TANGO6: variants seen among roughly 807,000 people sequenced by gnomAD.
TANGO6 encodes transport and Golgi organization protein 6 homolog.
A neutral mutation model predicts 114.2 loss-of-function variants in TANGO6; 90 were observed. That is an observed-to-expected ratio of 0.79 (90% CI 0.66 to 0.94). TANGO6 has a LOEUF of 0.94. TANGO6 is among the 40% of genes least tolerant of loss of function. The probability of loss-of-function intolerance (pLI) is 0.00; values close to 1 mark genes in which losing one functional copy is unlikely to be tolerated. For missense variants in TANGO6, 1,274 were observed against 1,315.3 expected (o/e 0.97, Z 0.49); for synonymous variants, 477 against 509.8 (o/e 0.94, Z 0.87).
chr16:69,017,367 A>AAT (rs553994107), intron 15 of TANGO6, among the ~76,000 whole-genome samples: 175 of 152,324 alleles, frequency 1.1e-3, no homozygotes, highest in African/African-American at 3.6e-3. Context: ...TTGATAAGTT[A>AAT]ATATGCCTTT....
At chr16:68,968,960 G>A (rs1369523520) in intron 14 of TANGO6, among the ~76,000 whole-genome samples, 4 of 152,120 alleles carry the variant, frequency 2.6e-5, no homozygotes, top group African/African-American at 7.2e-5. Flanking sequence ...ATGAGCCACC[G>A]CGCCTGGCCA....
intron 15 of TANGO6, among the ~76,000 whole-genome samples, chr16:69,021,136 T>C (rs1460056514): frequency 2.0e-5 from 3 of 152,118 alleles, no homozygotes; most frequent in African/African-American, 4.8e-5. Context: ...AGGCCTCTCA[T>C]TGTACTCTGA....
At chr16:68,986,120 G>A (rs1333022686) in intron 15 of TANGO6, among the ~76,000 whole-genome samples, 1 of 152,178 alleles carries the variant, frequency 6.6e-6, no homozygotes, top group Admixed American at 6.5e-5. Flanking sequence ...ATTATTTTTA[G>A]AGGCAGAATG....
chr16:68,968,616 C>T lies in TANGO6; in HGVS notation c.2702-5412C>T, dbSNP rs181377960. ...CTGACCTCAGGTGGTCCACCCGCCT[C>T]GGCCTCTCAAAGTGCTGGGATTACA... On this transcript the variant is annotated intron_variant, in intron 14 of 17. Coordinates refer to ENST00000261778, the MANE Select transcript of TANGO6 (RefSeq NM_024562.2). 4.6e-5 allele frequency among the ~76,000 whole-genome samples: 7 copies of T among 151,552 alleles called. No homozygotes were observed. In the East Asian group the frequency reaches 7.8e-4, roughly 17 times the overall value.
intron 14 of TANGO6, among the ~76,000 whole-genome samples, chr16:68,953,050 T>TTTTTTTATTATTA (rs1555525236): frequency 3.6e-5 from 5 of 139,214 alleles, no homozygotes; most frequent in Admixed American, 7.3e-5. Context: ...ACAGGTATTT[T>TTTTTTTATTATTA]TTATTATTAT....
intron 14 of TANGO6, among the ~76,000 whole-genome samples, chr16:68,934,547 C>T (rs1226072783): frequency 1.3e-5 from 2 of 152,114 alleles, no homozygotes. Context: ...TAATTACCTG[C>T]AGCTGAGAGG....
At position 68,974,188 on chromosome 16, in the gene TANGO6, C is replaced by G; in HGVS notation, c.2842+20C>G. 6.2e-7 allele frequency: 1 copy of G among 1,613,712 alleles called. No homozygotes were observed. The highest frequency in any genetic ancestry group is 1.1e-5 in the South Asian group (1 of 91,050). ...CATTAGGTGAGTTTTCTTGTTCCAT[C>G]CACCTGGAAAAGGGTGGAGGATCAG... On this transcript the variant is annotated intron_variant, in intron 15 of 17. Transcript: ENST00000261778.
intron 15 of TANGO6, among the ~76,000 whole-genome samples, chr16:69,018,007 A>C (rs1959331517): frequency 6.7e-6 from 1 of 148,788 alleles, no homozygotes; most frequent in South Asian, 2.1e-4. Context: ...AGGTTCAAGC[A>C]ATTCTCCTAC....
intron 9 of TANGO6, among the ~76,000 whole-genome samples, chr16:68,903,768 A>C (rs1156636608): frequency 1.3e-5 from 2 of 151,912 alleles, no homozygotes; most frequent in Non-Finnish European, 2.9e-5. Flanking sequence ...CTAAAAATAT[A>C]AAAATTAGCC....
At chr16:68,927,269 C>T (rs561343375) in intron 12 of TANGO6, among the ~76,000 whole-genome samples, 4 of 152,068 alleles carry the variant, frequency 2.6e-5, no homozygotes, top group Admixed American at 6.6e-5. Context: ...GTTACTTAAC[C>T]GTTCTGTTTC....
chr16:68,933,566 G>C (rs542763576), intron 14 of TANGO6, among the ~76,000 whole-genome samples: 1 of 152,238 alleles, frequency 6.6e-6, no homozygotes, highest in South Asian at 2.1e-4. Flanking sequence ...GCCAGCTGTG[G>C]TAGCTGTGCT....
intron 15 of TANGO6, among the ~76,000 whole-genome samples, chr16:69,000,193 A>G (rs553160127): frequency 6.6e-6 from 1 of 152,382 alleles, no homozygotes; most frequent in Admixed American, 6.5e-5. Context: ...TAACACATTT[A>G]TACAAATACA....
In TANGO6 at chr16:68,909,302, C is replaced by T. The variant is rs766654399; in HGVS notation, c.1892C>T (p.Thr631Ile). 1 of 1,611,414 alleles carries T rather than the reference C, an allele frequency of 6.2e-7. No homozygotes were observed. The highest frequency in any genetic ancestry group is 1.1e-5 in the South Asian group (1 of 90,446). ...KSLLELEQHQ[T>I]LLVEGQERKL... is the part of the protein sequence containing the mutation. ...CTCTTGGAATTAGAGCAACATCAGA[C>T]TCTTCTTGTGGAAGGCCAAGAGCGG... Residue 631 changes from threonine to isoleucine, a missense_variant, in exon 11 of 18, where the codon ACT (threonine) becomes ATT (isoleucine). Thr to Ile is a moderately conservative substitution (Grantham distance 89). This residue lies in a region of TANGO6 where 908 missense variants were observed against 910.2 expected (regional missense o/e 1.00). Transcript: ENST00000261778.
chr16:69,002,448 A>G (rs1486722996), intron 15 of TANGO6, among the ~76,000 whole-genome samples: 2 of 152,102 alleles, frequency 1.3e-5, no homozygotes, highest in African/African-American at 2.4e-5. Flanking sequence ...GTTTTCCCCC[A>G]TGCTGTTGTT....
At chr16:68,881,396 C>T (rs73562640) in intron 7 of TANGO6, among the ~76,000 whole-genome samples, 11,298 of 152,156 alleles carry the variant, frequency 0.074, 876 homozygotes, top group African/African-American at 0.2. Flanking sequence ...CACCTGTAAT[C>T]CCAGCTACTT....
intron 14 of TANGO6, among the ~76,000 whole-genome samples, chr16:68,964,430 A>C (rs1963624187): frequency 6.6e-6 from 1 of 152,100 alleles, no homozygotes; most frequent in African/African-American, 2.4e-5. Flanking sequence ...ATCCTTCCAG[A>C]ATTATTCAAT....
At chr16:68,884,499 A>T (rs1962511853) in intron 7 of TANGO6, among the ~76,000 whole-genome samples, 1 of 152,220 alleles carries the variant, frequency 6.6e-6, no homozygotes, top group Non-Finnish European at 1.5e-5. Context: ...TAGAAAGCAG[A>T]TGTTCTAAAT....
At chr16:68,925,615 A>G (rs1963156884) in intron 12 of TANGO6, among the ~76,000 whole-genome samples, 1 of 152,138 alleles carries the variant, frequency 6.6e-6, no homozygotes, top group Non-Finnish European at 1.5e-5. Flanking sequence ...CTTAATTTTA[A>G]TAAGGTCCAG....
At chr16:69,010,593 A>C (rs1000259333) in intron 15 of TANGO6, among the ~76,000 whole-genome samples, 2 of 152,136 alleles carry the variant, frequency 1.3e-5, no homozygotes, top group African/African-American at 4.8e-5. Context: ...TACCTGAAGC[A>C]ATCTTCCTCT....
Sources: gnomAD v4.1 joint callset for allele counts (sites outside exome capture counted in the v4.1 genomes callset) on GRCh38, gnomAD v4.1.1 for gene constraint, gnomAD v4.1.1 regional missense constraint, MANE v1.5 for transcripts, NCBI Gene and HGNC (gene_info 2026-07-23, HGNC 2026-07-21) for gene names.